The following LUZP1 variants were observed in gnomAD, a reference collection of about 807,000 sequenced individuals.
The protein encoded by LUZP1 is leucine zipper protein 1, also known as filamin mechanobinding actin cross-linking protein.
Under a neutral mutation model 71.3 loss-of-function variants are expected in LUZP1, and 25 were observed. The ratio of observed to expected loss-of-function variants is 0.35; its 90% CI spans 0.26 to 0.49. The LOEUF is 0.49. Ranked by LOEUF, LUZP1 falls within the 20% of genes least tolerant of loss-of-function variation. The pLI is 0.99. For synonymous variants in LUZP1, 481 were observed against 506.4 expected (o/e 0.95, Z 0.67); for missense variants, 1,142 against 1,300.8 (o/e 0.88, Z 1.88).
At chr1:23,110,858 C>T (rs143352703) in intron 2 of LUZP1, among the ~76,000 whole-genome samples, 14 of 152,162 alleles carry the variant, frequency 9.2e-5, no homozygotes, top group African/African-American at 2.9e-4. Context: ...GTCTGAAACT[C>T]GTGACCTCAA....
chr1:23,104,938 T>C (rs979718197), intron 3 of LUZP1, among the ~76,000 whole-genome samples: 2 of 152,196 alleles, frequency 1.3e-5, no homozygotes, highest in Non-Finnish European at 2.9e-5. Flanking sequence ...TACTTTTATA[T>C]ATAATCTCTT....
chr1:23,169,783 G>A (rs557234909), intron 1 of LUZP1, among the ~76,000 whole-genome samples: 1 of 152,256 alleles, frequency 6.6e-6, no homozygotes, highest in African/African-American at 2.4e-5. Context: ...GACTGCTCTC[G>A]CTGCGGATGC....
chr1:23,162,669 A>G (rs1644477804), intron 2 of LUZP1: 1 of 152,090 alleles, frequency 6.6e-6, no homozygotes, highest in South Asian at 2.1e-4. Flanking sequence ...TACATTTTTA[A>G]AATACTATTT....
At chr1:23,136,460 G>A (rs1208696054) in intron 2 of LUZP1, among the ~76,000 whole-genome samples, 1 of 152,118 alleles carries the variant, frequency 6.6e-6, no homozygotes, top group Non-Finnish European at 1.5e-5. Flanking sequence ...TCTATAACAT[G>A]TGCCCCCCAG....
chr1:23,083,719 TTACA>T, downstream of LUZP1: 1 of 170,760 alleles, frequency 5.9e-6, no homozygotes, highest in Non-Finnish European at 1.2e-5. Context: ...TGAGTTGGAG[TTACA>T]TACAAGATGG....
At chr1:23,103,890 GAGA>G (rs1643956007) in intron 3 of LUZP1, among the ~76,000 whole-genome samples, 1 of 9,104 alleles carries the variant, frequency 1.1e-4, no homozygotes, top group African/African-American at 3.8e-4. Flanking sequence ...GAGAGAGGGA[GAGA>G]GGGAGGGAGG....
chr1:23,093,653 C>T lies in LUZP1; in HGVS notation c.609G>A (p.Lys203=), dbSNP rs775401926. The change falls in exon 4 of 5, where the codon AAG becomes AAA. Residue 203 remains lysine (K), a synonymous_variant. Coordinates refer to ENST00000302291, the Ensembl canonical transcript of LUZP1. This position sits in a 1 kb window ranked among gnomAD's most constrained non-coding sequence, Gnocchi z 4.2. ...TTATCAATTTCTCATTTTCTTTCTC[C>T]TTTTCATTCAAGTATTTTCTCTCAC... 1.2e-6 allele frequency: 2 copies of T among 1,610,754 alleles called. No homozygotes were observed. The highest frequency in any genetic ancestry group is 1.7e-6 in the Non-Finnish European group (2 of 1,179,326).
intron 3 of LUZP1, among the ~76,000 whole-genome samples, chr1:23,101,392 G>A (rs889977970): frequency 2.0e-5 from 3 of 152,236 alleles, no homozygotes; most frequent in Admixed American, 6.5e-5. Context: ...CCCAAAGTAC[G>A]CAGCTAGCAA....
At chr1:23,096,244 G>C (rs1486417321) in intron 3 of LUZP1, among the ~76,000 whole-genome samples, 1 of 152,040 alleles carries the variant, frequency 6.6e-6, no homozygotes, top group Non-Finnish European at 1.5e-5. Flanking sequence ...CATATTAGAG[G>C]CAAAGGAAGA....
intron 2 of LUZP1, among the ~76,000 whole-genome samples, chr1:23,130,632 G>A (rs1434353955): frequency 6.6e-6 from 1 of 150,598 alleles, no homozygotes; most frequent in Non-Finnish European, 1.5e-5. Flanking sequence ...GCAAAGTGCT[G>A]GGATTTCAGG....
exon 5 of LUZP1, chr1:23,088,664 G>A: frequency 2.1e-6 from 1 of 483,008 alleles, no homozygotes. Flanking sequence ...AGGAGAGAGA[G>A]AGGACTCGTG....
At chr1:23,168,832 C>A (rs950451299) in exon 2 of LUZP1, 2 of 152,754 alleles carry the variant, frequency 1.3e-5, no homozygotes, top group East Asian at 1.9e-4. Context: ...GCGACCGGCG[C>A]CTCCTCTGGC....
intron 2 of LUZP1, among the ~76,000 whole-genome samples, chr1:23,138,997 CAAAAAAAAAA>C (rs535524035): frequency 4.6e-5 from 1 of 21,592 alleles, no homozygotes; most frequent in African/African-American, 1.8e-4. Flanking sequence ...GACTCCATCT[CAAAAAAAAAA>C]AAAAAAAAAA....
chr1:23,156,036 A>G (rs1236247492), intron 2 of LUZP1, among the ~76,000 whole-genome samples: 1 of 152,230 alleles, frequency 6.6e-6, no homozygotes, highest in African/African-American at 2.4e-5. Flanking sequence ...AGACCAAGGT[A>G]AATGATACCA....
At chr1:23,099,142 A>G (rs926730516) in intron 3 of LUZP1, among the ~76,000 whole-genome samples, 2 of 152,122 alleles carry the variant, frequency 1.3e-5, no homozygotes, top group African/African-American at 4.8e-5. Flanking sequence ...AAAACCTCCT[A>G]TAGTTTATGT....
At chr1:23,145,691 G>A (rs551904968) in intron 2 of LUZP1, among the ~76,000 whole-genome samples, 15 of 151,582 alleles carry the variant, frequency 9.9e-5, no homozygotes, top group African/African-American at 2.7e-4. Context: ...GGCTGGTCTC[G>A]AACTCCTGAC....
intron 2 of LUZP1, among the ~76,000 whole-genome samples, chr1:23,166,406 G>C (rs1436612667): frequency 2.0e-5 from 3 of 152,082 alleles, no homozygotes; most frequent in Admixed American, 2.0e-4. Context: ...TGTAATCCCA[G>C]CACTTTGGGA....
intron 2 of LUZP1, among the ~76,000 whole-genome samples, chr1:23,137,391 G>A (rs142443429): frequency 2.6e-5 from 4 of 152,114 alleles, no homozygotes; most frequent in South Asian, 2.1e-4. Flanking sequence ...CTGTAATCCC[G>A]GCACTTTGGG....
At chr1:23,171,784 T>TAC (rs1644554409) in intron 1 of LUZP1, among the ~76,000 whole-genome samples, 1 of 152,238 alleles carries the variant, frequency 6.6e-6, no homozygotes, top group African/African-American at 2.4e-5. Flanking sequence ...GAAGGGCCTT[T>TAC]ACTGAGTTGC....
Sources: allele counts gnomAD v4.1 joint callset (sites outside exome capture counted in the v4.1 genomes callset), GRCh38; gene constraint gnomAD v4.1.1; non-coding constraint Gnocchi (gnomAD v3.1); transcripts MANE v1.5; gene names NCBI Gene and HGNC (gene_info 2026-07-23, HGNC 2026-07-21).